Variants in TPTE2 observed in about 807,000 individuals in gnomAD.
TPTE2 encodes the protein transmembrane phosphoinositide 3-phosphatase and tensin homolog 2.
A neutral mutation model predicts 78.6 loss-of-function variants in TPTE2; 53 were observed. That is an observed-to-expected ratio of 0.67 (90% CI 0.54 to 0.85). TPTE2 has a LOEUF of 0.85. TPTE2 is among the 40% of genes least tolerant of loss of function. The pLI is 0.00. For synonymous variants in TPTE2, 175 were observed against 206.2 expected (o/e 0.85, Z 1.30); for missense variants, 461 against 623.0 (o/e 0.74, Z 2.77).
At position 19,423,127 on chromosome 13, in the gene TPTE2, T is replaced by G. The variant is rs748866499; in HGVS notation, c.1504A>C (p.Lys502Gln). 17 of 1,611,784 alleles carry G rather than the reference T, an allele frequency of 1.1e-5. No individual in the cohort carries two copies. In the South Asian group the frequency reaches 1.2e-4, roughly 12 times the overall value. The change falls in exon 20 of 20, where the codon AAA (lysine) becomes CAA (glutamine). Residue 502 changes from lysine (K) to glutamine (Q), a missense_variant. Transcript: ENST00000400230. ...GGATAAATTTTCCATGCTTTTTGTTTATGTGGATTATCCAATTCATTTCTT... is the reference window on the plus strand; with the variant it reads ...GGATAAATTTTCCATGCTTTTTGTTGATGTGGATTATCCAATTCATTTCTT...
chr13:19,545,287 A>C, the TPTE2 span, among the ~76,000 whole-genome samples: 31 of 152,322 alleles, frequency 2.0e-4, no homozygotes, highest in African/African-American at 6.5e-4. Context: ...AGTGGGGATA[A>C]GGAACAAAAA....
chr13:19,454,209 T>C (rs1878390607), intron 10 of TPTE2, among the ~76,000 whole-genome samples: 1 of 152,204 alleles, frequency 6.6e-6, no homozygotes, highest in African/African-American at 2.4e-5. Flanking sequence ...AATTGTAATG[T>C]CTGCTTTGCT....
At chr13:19,423,026 A>G (rs746862119) in exon 20 of TPTE2, 18 of 1,608,170 alleles carry the variant, frequency 1.1e-5, no homozygotes, top group Non-Finnish European at 1.4e-5. Flanking sequence ...AGGGGGAGCT[A>G]TACTTAGTCG....
Position 19,477,032 on chromosome 13 carries a change from TA to T in TPTE2, c.180-1410del, listed in dbSNP as rs546557335. 5.9e-5 allele frequency among the ~76,000 whole-genome samples: 9 copies of T among 152,166 alleles called. No individual in the cohort carries two copies. In the East Asian group the frequency reaches 7.7e-4, roughly 13 times the overall value. On this transcript the variant is annotated intron_variant, in intron 4 of 19. Transcript: ENST00000400230. ...TATACCATGGAATACTATGCAGCCA[TA>T]AAAAAAGAATGAGATCATGTATTTT...
At chr13:19,435,683 G>C (rs1240126745) in intron 15 of TPTE2, among the ~76,000 whole-genome samples, 1 of 151,882 alleles carries the variant, frequency 6.6e-6, no homozygotes, top group Non-Finnish European at 1.5e-5. Flanking sequence ...GGATACAGAA[G>C]GGGTTTTGAA....
intron 1 of TPTE2, among the ~76,000 whole-genome samples, chr13:19,524,441 G>A (rs1870375628): frequency 6.6e-6 from 1 of 152,080 alleles, no homozygotes; most frequent in Non-Finnish European, 1.5e-5. Flanking sequence ...GCAGAAACCA[G>A]GCAAATCATC....
intron 6 of TPTE2, among the ~76,000 whole-genome samples, chr13:19,470,408 A>G (rs1879532032): frequency 6.6e-6 from 1 of 152,132 alleles, no homozygotes; most frequent in Non-Finnish European, 1.5e-5. Flanking sequence ...TCTTTCCCAT[A>G]TATTGTTGAA....
chr13:19,514,593 G>GTGTGTGTGTGTGTGTGTGTT (rs1566073299), intron 1 of TPTE2, among the ~76,000 whole-genome samples: 1 of 2,902 alleles, frequency 3.4e-4, no homozygotes, highest in East Asian at 4.3e-3. Flanking sequence ...ACTTCTGAGA[G>GTGTGTGTGTGTGTGTGTGTT]TGTGTGTGTG....
intron 6 of TPTE2, among the ~76,000 whole-genome samples, chr13:19,469,932 G>A (rs1263689917): frequency 6.6e-6 from 1 of 152,086 alleles, no homozygotes; most frequent in Non-Finnish European, 1.5e-5. Context: ...GGAGTCTTTA[G>A]TATTTTCCAA....
intron 1 of TPTE2, among the ~76,000 whole-genome samples, chr13:19,512,947 T>C (rs1340806845): frequency 2.0e-5 from 3 of 152,184 alleles, no homozygotes; most frequent in Admixed American, 2.0e-4. Context: ...AGGGTATTGT[T>C]AAGCTGGCAT....
rs542656983 is a variant in TPTE2 at position 19,521,941 on chromosome 13, T to A, written c.-44+14655A>T. Among the ~76,000 whole-genome samples, 6 of 152,314 alleles carry A rather than the reference T, an allele frequency of 3.9e-5. No homozygotes were observed. In the South Asian group the frequency reaches 1.0e-3, roughly 26 times the overall value. On this transcript the variant is annotated intron_variant, in intron 1 of 17. Transcript: ENST00000390680. ...TTTATTTCCTCATGTGGATTTGAGT[T>A]ACTACCTAGTATTCTTTCCTTTCAG...
chr13:19,497,701 A>G (rs1881468068), intron 1 of TPTE2, among the ~76,000 whole-genome samples: 1 of 150,716 alleles, frequency 6.6e-6, no homozygotes, highest in Non-Finnish European at 1.5e-5. Context: ...AGATGGGGAA[A>G]AAACAGAACA....
chr13:19,508,761 T>G (rs1483227644), intron 1 of TPTE2, among the ~76,000 whole-genome samples: 1 of 152,106 alleles, frequency 6.6e-6, no homozygotes, highest in Non-Finnish European at 1.5e-5. Context: ...ATGTGAAAAT[T>G]TATGATGATA....
At chr13:19,499,218 C>A (rs1881594598) in intron 1 of TPTE2, among the ~76,000 whole-genome samples, 1 of 152,160 alleles carries the variant, frequency 6.6e-6, no homozygotes, top group South Asian at 2.1e-4. Context: ...TAACACCCCA[C>A]TGTCAACATT....
the TPTE2 span, among the ~76,000 whole-genome samples, chr13:19,558,943 T>G: frequency 6.6e-6 from 1 of 152,224 alleles, no homozygotes; most frequent in East Asian, 1.9e-4. Context: ...GTACTTCTAT[T>G]TATCTGTGCA....
intron 1 of TPTE2, among the ~76,000 whole-genome samples, chr13:19,527,662 C>G (rs1187283541): frequency 3.3e-5 from 5 of 151,942 alleles, no homozygotes; most frequent in Admixed American, 1.3e-4. Flanking sequence ...ATCACTTGAG[C>G]TCAAGAGTTC....
intron 13 of TPTE2, among the ~76,000 whole-genome samples, chr13:19,442,128 C>A (rs191829141): frequency 2.6e-5 from 4 of 152,078 alleles, no homozygotes; most frequent in Non-Finnish European, 5.9e-5. Context: ...AATACATGTT[C>A]TTTTCAAATG....
chr13:19,468,332 C>T (rs1879416604), intron 6 of TPTE2, among the ~76,000 whole-genome samples: 1 of 152,062 alleles, frequency 6.6e-6, no homozygotes, highest in African/African-American at 2.4e-5. Context: ...TGAGCCATTG[C>T]ACTTGGCCAG....
At chr13:19,460,059 A>G (rs972009184) in intron 10 of TPTE2, among the ~76,000 whole-genome samples, 1 of 152,176 alleles carries the variant, frequency 6.6e-6, no homozygotes, top group Non-Finnish European at 1.5e-5. Flanking sequence ...CCAGAGATAC[A>G]TATGGACAGA....
Sources: gnomAD v4.1 joint callset for allele counts (sites outside exome capture counted in the v4.1 genomes callset) on GRCh38, gnomAD v4.1.1 for gene constraint, MANE v1.5 for transcripts, NCBI Gene and HGNC (gene_info 2026-07-23, HGNC 2026-07-21) for gene names.